The following TPGS2 variants were observed in gnomAD, a reference collection of about 807,000 sequenced individuals.
TPGS2 encodes tubulin polyglutamylase complex subunit 2.
A neutral mutation model predicts 31.1 loss-of-function variants in TPGS2; 26 were observed. The ratio of observed to expected loss-of-function variants is 0.84; its 90% confidence interval spans 0.61 to 1.16. TPGS2 has a LOEUF of 1.16. Ranked by LOEUF, TPGS2 falls within the 50% of genes most tolerant of loss-of-function variation. The pLI, the probability that TPGS2 is intolerant of heterozygous loss-of-function variation, is 0.00. For synonymous variants in TPGS2, 130 were observed against 136.6 expected (o/e 0.95, Z 0.34); for missense variants, 351 against 363.8 (o/e 0.96, Z 0.29).
downstream of TPGS2, chr18:36,789,795 T>G (rs2044245516): frequency 6.6e-6 from 1 of 152,224 alleles, no homozygotes; most frequent in South Asian, 2.1e-4. Context: ...TCTCACAAGA[T>G]CTGCTGATTT....
chr18:36,822,120 A>G (rs2045920237), intron 1 of TPGS2, among the ~76,000 whole-genome samples: 1 of 152,222 alleles, frequency 6.6e-6, no homozygotes, highest in African/African-American at 2.4e-5. Context: ...TTCCACAGCT[A>G]TCCTTCTAGG....
At chr18:36,798,208 T>G in intron 6 of TPGS2, 2 of 1,350,376 alleles carry the variant, frequency 1.5e-6, no homozygotes, top group South Asian at 1.8e-5. Context: ...AGAATTTCAT[T>G]AAAAATAAAA....
intron 2 of TPGS2, among the ~76,000 whole-genome samples, chr18:36,814,690 C>T (rs1369354732): frequency 6.6e-6 from 1 of 152,174 alleles, no homozygotes; most frequent in Non-Finnish European, 1.5e-5. Flanking sequence ...CTTCCATATC[C>T]TTACTAGTAT....
intron 1 of TPGS2, among the ~76,000 whole-genome samples, chr18:36,828,023 A>T (rs147974882): frequency 0.12 from 18,396 of 152,090 alleles, 1,379 homozygotes; most frequent in Admixed American, 0.17. Context: ...CCTGGCCAAC[A>T]TGGTGGAACC....
At chr18:36,801,323 GTTTAT>G (rs752534791) in intron 4 of TPGS2, among the ~76,000 whole-genome samples, 45 of 152,246 alleles carry the variant, frequency 3.0e-4, no homozygotes, top group African/African-American at 8.2e-4. Context: ...AGAATTCTAG[GTTTAT>G]TTTATTTTAT....
chr18:36,817,913 A>G (rs188187284), intron 2 of TPGS2: 16 of 152,168 alleles, frequency 1.1e-4, no homozygotes, highest in Non-Finnish European at 2.2e-4. Flanking sequence ...TCCATTTGTT[A>G]CTCTACAGCC....
At chr18:36,805,795 G>A (rs930877516) in intron 3 of TPGS2, among the ~76,000 whole-genome samples, 1 of 152,146 alleles carries the variant, frequency 6.6e-6, no homozygotes, top group African/African-American at 2.4e-5. Flanking sequence ...GGAAATCTGG[G>A]CTTTGGGACA....
intron 6 of TPGS2, among the ~76,000 whole-genome samples, chr18:36,784,560 G>T (rs1360828899): frequency 6.6e-6 from 1 of 152,338 alleles, no homozygotes; most frequent in East Asian, 1.9e-4. Flanking sequence ...GGTCTATTTG[G>T]TAGAAAAATC....
chr18:36,786,376 C>T (rs1469238202), intron 6 of TPGS2: 2 of 152,224 alleles, frequency 1.3e-5, no homozygotes, highest in African/African-American at 4.8e-5. Context: ...GCCACCACGC[C>T]CGGCTAATTT....
intron 1 of TPGS2, among the ~76,000 whole-genome samples, chr18:36,819,897 T>G (rs955721276): frequency 1.6e-4 from 24 of 152,278 alleles, no homozygotes; most frequent in Admixed American, 1.4e-3. Flanking sequence ...GCCCTCCTCA[T>G]AAAAAGAACA....
chr18:36,790,318 C>T (rs2044266259), downstream of TPGS2, among the ~76,000 whole-genome samples: 1 of 152,244 alleles, frequency 6.6e-6, no homozygotes, highest in South Asian at 2.1e-4. Flanking sequence ...TACTGCTCTT[C>T]ACCCTTATCA....
intron 4 of TPGS2, among the ~76,000 whole-genome samples, chr18:36,801,560 C>T (rs184529325): frequency 3.3e-5 from 5 of 152,292 alleles, no homozygotes; most frequent in Admixed American, 2.6e-4. Context: ...TCTCAAACTC[C>T]TGGGCTCTAG....
intron 4 of TPGS2, among the ~76,000 whole-genome samples, chr18:36,802,896 T>G (rs543845957): frequency 4.8e-4 from 73 of 152,242 alleles, no homozygotes; most frequent in African/African-American, 1.1e-3. Flanking sequence ...AAAGTGCTGG[T>G]ATTACAGGTG....
intron 1 of TPGS2, chr18:36,821,183 G>A (rs2045879227): frequency 1.3e-5 from 2 of 152,182 alleles, no homozygotes; most frequent in Non-Finnish European, 2.9e-5. Context: ...AAATTTAAGA[G>A]AACTGGCAGT....
At chr18:36,792,077 TA>T (rs1319229149), downstream of TPGS2, among the ~76,000 whole-genome samples, 2 of 143,786 alleles carry the variant, frequency 1.4e-5, no homozygotes, top group Non-Finnish European at 3.1e-5. Context: ...ATCCCAAGGG[TA>T]AGAGCACAGT....
In TPGS2 at chr18:36,818,936, T is replaced by G. The variant is rs757940316; in HGVS notation, c.123A>C (p.Glu41Asp). The change falls in exon 2 of 7, where the codon GAA becomes GAC. Residue 41 changes from glutamate to aspartate, a missense_variant. Transcript: ENST00000334295. ...TCATATGACGTTCAGCAGGAGGCTTTTCTATGATGGTCACCTCAGTCACAC... is the reference window on the plus strand; with the variant it reads ...TCATATGACGTTCAGCAGGAGGCTTGTCTATGATGGTCACCTCAGTCACAC... The part of the protein sequence containing the change: ...SPGVTEVTII[E>D]KPPAERHMIS... The G allele has an allele frequency of 1.1e-5, 18 of 1,613,848 alleles. 1 individual carries two copies. The Admixed American group carries it at 2.8e-4, about 25-fold the overall frequency.
intron 1 of TPGS2, chr18:36,821,040 C>T (rs766944181): frequency 6.6e-6 from 1 of 152,172 alleles, no homozygotes; most frequent in South Asian, 2.1e-4. Context: ...CAATTCCTTC[C>T]TTCCCTGCAT....
At chr18:36,785,014 C>T (rs1407203253) in intron 6 of TPGS2, among the ~76,000 whole-genome samples, 2 of 152,090 alleles carry the variant, frequency 1.3e-5, no homozygotes, top group African/African-American at 4.8e-5. Context: ...TAAAATTTTC[C>T]TGGTCAGGCG....
intron 5 of TPGS2, among the ~76,000 whole-genome samples, chr18:36,799,622 C>T (rs1412418769): frequency 1.3e-5 from 2 of 152,132 alleles, no homozygotes; most frequent in Non-Finnish European, 2.9e-5. Context: ...TTCTCCTTGC[C>T]CCAGAGGTAA....
Sources: allele counts gnomAD v4.1 joint callset (sites outside exome capture counted in the v4.1 genomes callset), GRCh38; gene constraint gnomAD v4.1.1; transcripts MANE v1.5; gene names NCBI Gene and HGNC (gene_info 2026-07-23, HGNC 2026-07-21).